SINHCAF: variants seen among roughly 807,000 people sequenced by gnomAD.
SINHCAF encodes SIN3-HDAC complex-associated factor.
Under a neutral mutation model 25.8 loss-of-function variants are expected in SINHCAF, and 3 were observed. That is an observed-to-expected ratio of 0.12 (90% CI 0.05 to 0.30). The LOEUF is 0.30. Ranked by LOEUF, SINHCAF falls within the 10% of genes least tolerant of loss-of-function variation. The pLI, the probability that SINHCAF is intolerant of heterozygous loss-of-function variation, is 1.00. For missense variants in SINHCAF, 121 were observed against 262.3 expected (o/e 0.46, Z 3.72); for synonymous variants, 70 against 85.5 (o/e 0.82, Z 1.00).
At chr12:31,293,720 A>T in intron 4 of SINHCAF, 85 bp downstream of exon 4, 1 of 1,205,528 alleles carries the variant, frequency 8.3e-7, no homozygotes, top group Non-Finnish European at 1.1e-6. Context: ...ATAAAGGAAA[A>T]AATGATCCAC....
At chr12:31,285,057 A>C (rs1937977486) in intron 5 of SINHCAF, among the ~76,000 whole-genome samples, 1 of 152,168 alleles carries the variant, frequency 6.6e-6, no homozygotes, top group Non-Finnish European at 1.5e-5. Flanking sequence ...ATATCTATGA[A>C]TGTGCTATAC....
intron 5 of SINHCAF, among the ~76,000 whole-genome samples, chr12:31,284,788 C>G (rs1288948838): frequency 3.9e-5 from 6 of 152,124 alleles, no homozygotes. Context: ...TCCAGGCTCT[C>G]TATACTATTC....
intron 1 of SINHCAF, chr12:31,323,860 G>A (rs1939819374): frequency 2.3e-6 from 1 of 439,212 alleles, no homozygotes; most frequent in Non-Finnish European, 4.7e-6. Context: ...GCTCGGCTGG[G>A]GAGGAGGTGC....
At chr12:31,316,661 T>C (rs1387800160) in intron 1 of SINHCAF, among the ~76,000 whole-genome samples, 1 of 152,210 alleles carries the variant, frequency 6.6e-6, no homozygotes, top group Non-Finnish European at 1.5e-5. Flanking sequence ...CGATAGTTTA[T>C]ATTAAAGACG....
At chr12:31,283,613 A>G (rs1937902346) in intron 5 of SINHCAF, among the ~76,000 whole-genome samples, 1 of 151,950 alleles carries the variant, frequency 6.6e-6, no homozygotes, top group Non-Finnish European at 1.5e-5. Flanking sequence ...AAAAAAAAAC[A>G]AAAAAGGGTG....
At chr12:31,282,957 C>A in intron 5 of SINHCAF, 86 bp from the exon 6 acceptor site, 1 of 966,272 alleles carries the variant, frequency 1.0e-6, no homozygotes, top group Non-Finnish European at 1.5e-6. Context: ...TATAACTAGT[C>A]CAATATAACC....
chr12:31,308,235 T>G (rs920326821), intron 1 of SINHCAF, among the ~76,000 whole-genome samples: 3 of 152,204 alleles, frequency 2.0e-5, no homozygotes, highest in African/African-American at 7.2e-5. Context: ...CCACCGCGCC[T>G]GGCCTACTAA....
chr12:31,282,943 CTATTA>C, intron 5 of SINHCAF, 72 bp from the exon 6 acceptor site: 1 of 1,125,524 alleles, frequency 8.9e-7, no homozygotes, highest in South Asian at 1.7e-5. Flanking sequence ...AATCTACTCA[CTATTA>C]TAACTAGTCC....
chr12:31,312,488 C>G (rs1419773969), intron 1 of SINHCAF, among the ~76,000 whole-genome samples: 1 of 152,170 alleles, frequency 6.6e-6, no homozygotes, highest in East Asian at 1.9e-4. Flanking sequence ...AACACTCATA[C>G]CATCATTGTA....
chr12:31,312,358 G>C (rs1939306474), intron 1 of SINHCAF, among the ~76,000 whole-genome samples: 1 of 145,652 alleles, frequency 6.9e-6, no homozygotes, highest in East Asian at 1.9e-4. Context: ...TACGTATTTT[G>C]TGTGTGTGTG....
intron 1 of SINHCAF, among the ~76,000 whole-genome samples, chr12:31,312,223 A>AT (rs762090914): frequency 1.3e-5 from 2 of 152,090 alleles, no homozygotes; most frequent in Non-Finnish European, 2.9e-5. Context: ...TCCATGCTGT[A>AT]TTTTTTATTT....
At chr12:31,291,480 AG>A (rs770046080) in intron 4 of SINHCAF, among the ~76,000 whole-genome samples, 1 of 151,990 alleles carries the variant, frequency 6.6e-6, no homozygotes, top group East Asian at 1.9e-4. Flanking sequence ...AAGGGAATAC[AG>A]GGCTGGGCAC....
chr12:31,303,197 A>C (rs773288943), intron 1 of SINHCAF: 5 of 985,478 alleles, frequency 5.1e-6, no homozygotes, highest in Non-Finnish European at 6.0e-6. Context: ...AATATTTAGA[A>C]GAGGCTGTGT....
At chr12:31,314,380 G>A (rs966560096) in intron 1 of SINHCAF, among the ~76,000 whole-genome samples, 6 of 152,118 alleles carry the variant, frequency 3.9e-5, no homozygotes, top group Admixed American at 3.3e-4. Flanking sequence ...AAAAAAAATA[G>A]CCGGGCGTGG....
At chr12:31,284,331 T>C (rs540948830) in intron 5 of SINHCAF, among the ~76,000 whole-genome samples, 2 of 152,378 alleles carry the variant, frequency 1.3e-5, no homozygotes, top group Admixed American at 6.5e-5. Context: ...AATGAGTTAT[T>C]TCATGATTCC....
In SINHCAF at chr12:31,280,700, A is replaced by G. The variant is rs1306976630; in HGVS notation, c.*2012T>C. On this transcript the variant is annotated 3_prime_UTR_variant, in exon 6 of 6. Transcript: ENST00000337682. The stretch of plus-strand genomic sequence containing the variant: ...TGTAGATTTCTAATATATTAATACA[A>G]AGTGCATGACTACATACAGTACATC... 1 of 152,542 alleles carries G rather than the reference A, an allele frequency of 6.6e-6. No individual in the cohort carries two copies. The highest frequency in any genetic ancestry group is 2.4e-5 in the African/African-American group (1 of 41,426). 9.4% of individuals were successfully genotyped at this position (152,542 alleles called of 1,614,324 possible). A position where few individuals can be genotyped will look rare whatever the true frequency, so the allele number is the denominator to read the frequency against.
chr12:31,283,859 C>CAT (rs1937919224), intron 5 of SINHCAF, among the ~76,000 whole-genome samples: 1 of 138,704 alleles, frequency 7.2e-6, no homozygotes, highest in Non-Finnish European at 1.5e-5. Flanking sequence ...ATCCATTACA[C>CAT]ACACACACAC....
chr12:31,287,408 T>C (rs1325441397), intron 5 of SINHCAF, among the ~76,000 whole-genome samples: 3 of 152,192 alleles, frequency 2.0e-5, no homozygotes, highest in African/African-American at 7.2e-5. Context: ...ACTCCACTTA[T>C]CTAGCAATAG....
At chr12:31,289,856 ACT>A (rs1938233386) in intron 4 of SINHCAF, among the ~76,000 whole-genome samples, 1 of 149,594 alleles carries the variant, frequency 6.7e-6, no homozygotes, top group Non-Finnish European at 1.5e-5. Flanking sequence ...ACCGGATCTC[ACT>A]CTGTCACCCA....
Sources: gnomAD v4.1 joint callset for allele counts (sites outside exome capture counted in the v4.1 genomes callset) on GRCh38, gnomAD v4.1.1 for gene constraint, MANE v1.5 for transcripts, NCBI Gene and HGNC (gene_info 2026-07-23, HGNC 2026-07-21) for gene names.